The following SAMD5 variants were observed in gnomAD, a reference collection of about 807,000 sequenced individuals.
SAMD5 encodes the protein sterile alpha motif domain-containing protein 5.
A neutral mutation model predicts 11.3 loss-of-function variants in SAMD5; 13 were observed. That is an observed-to-expected ratio of 1.15 (90% CI 0.75 to 1.83). The LOEUF (loss-of-function observed/expected upper bound fraction) is 1.83. SAMD5 is among the 40% of genes most tolerant of loss of function. The probability of loss-of-function intolerance (pLI) is 0.00; values close to 1 mark genes in which losing one functional copy is unlikely to be tolerated. For missense variants in SAMD5, 255 were observed against 239.1 expected (o/e 1.07, Z -0.44); for synonymous variants, 129 against 111.3 (o/e 1.16, Z -1.00).
chr6:147,565,147 C>G lies in SAMD5; in HGVS notation c.*691C>G. 1 of 985,448 alleles carries G rather than the reference C, an allele frequency of 1.0e-6. No individual in the cohort carries two copies. The allele number at this position is 985,448 out of a possible 1,614,324, so 61.0% of individuals were successfully genotyped here. On this transcript the variant is annotated 3_prime_UTR_variant, in exon 2 of 2. Coordinates refer to ENST00000367474, the MANE Select transcript of SAMD5 (RefSeq NM_001030060.3). ...CTGAGGTTTAGTATTAGGACTAATA[C>G]AAGTGTCTTGCTCTGACATGCATCA...
chr6:147,722,614 C>T (rs1319198900), intron 1 of SAMD5, among the ~76,000 whole-genome samples: 1 of 152,184 alleles, frequency 6.6e-6, no homozygotes, highest in African/African-American at 2.4e-5. Context: ...CCTAATACAG[C>T]TCTTTATTAT....
chr6:147,802,823 G>C, the SAMD5 span, among the ~76,000 whole-genome samples: 6 of 152,308 alleles, frequency 3.9e-5, no homozygotes, highest in African/African-American at 1.4e-4. Flanking sequence ...TTGATACAAA[G>C]TTCTACAGTG....
At chr6:147,807,168 C>T in the SAMD5 span, among the ~76,000 whole-genome samples, 12 of 151,930 alleles carry the variant, frequency 7.9e-5, no homozygotes, top group Non-Finnish European at 1.6e-4. Flanking sequence ...GGCACGATCT[C>T]GGCTCACTGC....
At chr6:147,650,235 GTCAC>G (rs1306035746) in intron 1 of SAMD5, among the ~76,000 whole-genome samples, 1 of 152,204 alleles carries the variant, frequency 6.6e-6, no homozygotes, top group African/African-American at 2.4e-5. Context: ...AAGATAAAGT[GTCAC>G]TCAGTAGGGA....
At chr6:147,613,488 C>G (rs951870502) in intron 1 of SAMD5, among the ~76,000 whole-genome samples, 2 of 151,800 alleles carry the variant, frequency 1.3e-5, no homozygotes, top group Non-Finnish European at 2.9e-5. Context: ...CCACTGCCAC[C>G]TTGAGACCAC....
chr6:147,659,905 AC>A (rs1450607601), intron 1 of SAMD5, among the ~76,000 whole-genome samples: 1 of 152,192 alleles, frequency 6.6e-6, no homozygotes, highest in Admixed American at 6.5e-5. Flanking sequence ...GTGGAAAGAA[AC>A]CAGCTTTGTC....
At chr6:147,858,383 G>A in the SAMD5 span, among the ~76,000 whole-genome samples, 1 of 152,052 alleles carries the variant, frequency 6.6e-6, no homozygotes, top group South Asian at 2.1e-4. Context: ...GATGCTTTTG[G>A]TAAGAATTGT....
At chr6:147,552,709 A>G (rs1213792917) in intron 1 of SAMD5, among the ~76,000 whole-genome samples, 1 of 152,208 alleles carries the variant, frequency 6.6e-6, no homozygotes, top group African/African-American at 2.4e-5. Flanking sequence ...ACATGCATAC[A>G]TATGCCTGTG....
chr6:147,605,751 GGA>G (rs1173993570), intron 1 of SAMD5, among the ~76,000 whole-genome samples: 2 of 152,128 alleles, frequency 1.3e-5, no homozygotes, highest in African/African-American at 2.4e-5. Context: ...AATCCAAGAT[GGA>G]GTGATGAGTT....
chr6:147,655,308 T>G (rs988228083), intron 1 of SAMD5, among the ~76,000 whole-genome samples: 4 of 152,218 alleles, frequency 2.6e-5, no homozygotes, highest in African/African-American at 9.6e-5. Flanking sequence ...TGTACTATCT[T>G]GCTATGTGAC....
chr6:147,513,736 T>C (rs1788124451), intron 1 of SAMD5, among the ~76,000 whole-genome samples: 1 of 151,908 alleles, frequency 6.6e-6, no homozygotes, highest in South Asian at 2.1e-4. Flanking sequence ...TTGACAAGGG[T>C]AAGCAGAGGG....
At chr6:147,697,380 C>G (rs1435632399) in intron 1 of SAMD5, among the ~76,000 whole-genome samples, 1 of 152,114 alleles carries the variant, frequency 6.6e-6, no homozygotes. Flanking sequence ...AATGGACTTT[C>G]GTTTATTTAA....
At chr6:147,952,771 C>T in the SAMD5 span, among the ~76,000 whole-genome samples, 2 of 152,218 alleles carry the variant, frequency 1.3e-5, no homozygotes, top group Non-Finnish European at 2.9e-5. Context: ...GCCTTGGCCT[C>T]CCAAACTGCT....
intron 1 of SAMD5, among the ~76,000 whole-genome samples, chr6:147,609,579 T>A (rs1789751196): frequency 6.6e-6 from 1 of 152,186 alleles, no homozygotes; most frequent in South Asian, 2.1e-4. Flanking sequence ...AGACGGAATC[T>A]CACCCTGTCG....
intron 1 of SAMD5, among the ~76,000 whole-genome samples, chr6:147,648,809 C>CT (rs1457520093): frequency 2.0e-5 from 3 of 152,216 alleles, no homozygotes; most frequent in Admixed American, 6.5e-5. Context: ...CAAAAATTTA[C>CT]TTTTAACTTC....
At chr6:147,794,962 A>T in the SAMD5 span, among the ~76,000 whole-genome samples, 2 of 152,038 alleles carry the variant, frequency 1.3e-5, no homozygotes, top group East Asian at 1.9e-4. Flanking sequence ...AAGATAAGGG[A>T]TATAATCTAT....
At chr6:147,584,247 A>T (rs1197246554) in intron 1 of SAMD5, among the ~76,000 whole-genome samples, 1 of 152,202 alleles carries the variant, frequency 6.6e-6, no homozygotes, top group Non-Finnish European at 1.5e-5. Flanking sequence ...AGCATTTCGT[A>T]GACTGTGATG....
At chr6:147,655,545 C>A (rs979691540) in intron 1 of SAMD5, among the ~76,000 whole-genome samples, 1 of 152,082 alleles carries the variant, frequency 6.6e-6, no homozygotes, top group African/African-American at 2.4e-5. Flanking sequence ...TTCAGAGTGA[C>A]TTTATTAATC....
At chr6:147,720,175 G>C (rs1343797659) in intron 1 of SAMD5, among the ~76,000 whole-genome samples, 1 of 152,174 alleles carries the variant, frequency 6.6e-6, no homozygotes, top group Non-Finnish European at 1.5e-5. Context: ...CACCAATGGA[G>C]ATTTAAACCT....
Sources: allele counts gnomAD v4.1 joint callset (sites outside exome capture counted in the v4.1 genomes callset), GRCh38; gene constraint gnomAD v4.1.1; transcripts MANE v1.5; gene names NCBI Gene and HGNC (gene_info 2026-07-23, HGNC 2026-07-21).